The following ARID1A variants were observed in gnomAD, a reference collection of about 807,000 sequenced individuals.
ARID1A encodes the protein AT-rich interactive domain-containing protein 1A.
ARID1A carries 20 observed loss-of-function variants against 212.6 expected under a neutral mutation model. The observed-to-expected ratio is 0.09, with a 90% confidence interval of 0.07 to 0.14. ARID1A has a LOEUF of 0.14. ARID1A is among the 10% of genes least tolerant of loss of function. The pLI is 1.00. For synonymous variants in ARID1A, 1,376 were observed against 1,222.1 expected (o/e 1.13, Z -2.63); for missense variants, 2,587 against 3,059.0 (o/e 0.85, Z 3.64).
At position 26,780,758 on chromosome 1, in the gene ARID1A, A is replaced by G. The variant is rs768407935; in HGVS notation, c.*2A>G. 3.9e-6 allele frequency: 6 copies of G among 1,553,806 alleles called. No homozygotes were observed. The highest frequency in any genetic ancestry group is 5.2e-6 in the Non-Finnish European group (6 of 1,149,714). ...CTGTTTTTGATTGGCCAGTCATGAC[A>G]GCCGTGGGACACCTCCCCCCCCCGT... is the stretch of plus-strand genomic sequence containing the variant. On this transcript the variant is annotated 3_prime_UTR_variant, in exon 20 of 20. Transcript: ENST00000324856. This position sits in a 1 kb window ranked among gnomAD's most constrained non-coding sequence, Gnocchi z 7.2.
rs1557570075 is a variant in ARID1A, at chr1:26,696,913, CCAA to C, written c.516_518del (p.Gln172del). On this transcript the variant is annotated inframe_deletion, in exon 1 of 20. Transcript: ENST00000324856. ...CCGCCGCCGCGGCCGCCGTCTTCCA[CCAA>C]CAACATGGCGGACAACAAAGCCCTG... 2 of 1,406,196 alleles carry C rather than the reference CCAA, an allele frequency of 1.4e-6. No homozygotes were observed. The highest frequency in any genetic ancestry group is 1.7e-5 in the South Asian group (1 of 59,422). 87.1% of individuals were successfully genotyped at this position (1,406,196 alleles called of 1,614,324 possible).
At chr1:26,726,761 C>G (rs1557589519) in intron 1 of ARID1A, among the ~76,000 whole-genome samples, 1 of 152,234 alleles carries the variant, frequency 6.6e-6, no homozygotes, top group Non-Finnish European at 1.5e-5. Context: ...AACACCTGAT[C>G]TCTGGCTTCC....
intron 4 of ARID1A, chr1:26,752,882 G>A (rs1202087816): frequency 1.3e-5 from 2 of 152,144 alleles, no homozygotes; most frequent in Non-Finnish European, 2.9e-5. Flanking sequence ...ATGACGGGTG[G>A]TTTACCTGCC....
In ARID1A at chr1:26,696,242, C is replaced by T. The variant is rs1455786969; in HGVS notation, c.-162C>T. The T allele has an allele frequency of 4.6e-6, 4 of 864,804 alleles. No homozygotes were observed. The highest frequency in any genetic ancestry group is 2.0e-5 in the African/African-American group (1 of 49,692). 53.6% of individuals were successfully genotyped at this position (864,804 alleles called of 1,614,324 possible). On this transcript the variant is annotated 5_prime_UTR_variant, in exon 1 of 20. Coordinates refer to ENST00000324856, the MANE Select transcript of ARID1A (RefSeq NM_006015.6). Reference sequence around the variant, plus strand: ...CAGCCCGGAGCCTGAGCCGGCGGGGCGGGGGGGAGAGGAGCGAGCGCAGCG... The same window carrying T: ...CAGCCCGGAGCCTGAGCCGGCGGGGTGGGGGGGAGAGGAGCGAGCGCAGCG...
rs1324565544 is a variant in ARID1A, at chr1:26,780,613, C to T, written c.6715C>T (p.Leu2239Phe). The T allele has an allele frequency of 1.2e-6, 2 of 1,613,704 alleles. No individual in the cohort carries two copies. The highest frequency in any genetic ancestry group is 2.2e-5 in the East Asian group (1 of 44,872). ...GATGCGGCGGGCTGCCCGCGCGCTGCTTGCCTTGGCCAAGGTGGACGAGAA... is the reference window on the plus strand; with the variant it reads ...GATGCGGCGGGCTGCCCGCGCGCTGTTTGCCTTGGCCAAGGTGGACGAGAA... ...DMMRRAARAL[L>F]ALAKVDENHS... is the part of the protein sequence containing the mutation. The change falls in exon 20 of 20, where the codon CTT becomes TTT. Residue 2239 changes from leucine to phenylalanine, a missense_variant. Physicochemically the swap from Leu to Phe is conservative, Grantham distance 22. Coordinates refer to ENST00000324856, the MANE Select transcript of ARID1A (RefSeq NM_006015.6). This position sits in a 1 kb window ranked among gnomAD's most constrained non-coding sequence, Gnocchi z 7.2.
At chr1:26,739,216 C>G (rs1274424613) in intron 4 of ARID1A, among the ~76,000 whole-genome samples, 4 of 152,184 alleles carry the variant, frequency 2.6e-5, no homozygotes, top group African/African-American at 9.7e-5. Flanking sequence ...TACTGAGACA[C>G]ATTTGTAAAT....
At chr1:26,761,703 T>C (rs527730253) in intron 6 of ARID1A, among the ~76,000 whole-genome samples, 2 of 152,352 alleles carry the variant, frequency 1.3e-5, no homozygotes, top group South Asian at 2.1e-4. Context: ...TTAGCAGATA[T>C]ATAATCTCAA....
At chr1:26,744,427 T>A (rs2080817342) in intron 4 of ARID1A, among the ~76,000 whole-genome samples, 1 of 152,198 alleles carries the variant, frequency 6.6e-6, no homozygotes, top group Non-Finnish European at 1.5e-5. Context: ...TTAACTCTAG[T>A]ATGATGGCTC....
rs1358776355 is a variant in ARID1A, at chr1:26,696,701, C to T, written c.298C>T (p.Leu100=). 1 of 1,363,800 alleles carries T rather than the reference C, an allele frequency of 7.3e-7. No individual in the cohort carries two copies. The highest frequency in any genetic ancestry group is 9.4e-7 in the Non-Finnish European group (1 of 1,058,494). 84.5% of individuals were successfully genotyped at this position (1,363,800 alleles called of 1,614,324 possible). The part of the protein sequence containing the change: ...SGGGPGAEPD[L]KNSNGNAGPR... ...CGGCGGGCCCGGCGCGGAGCCGGAC[C>T]TGAAGAACTCGAACGGGAACGCGGG... The change falls in exon 1 of 20, where the codon CTG becomes TTG. Residue 100 remains leucine (L), a synonymous_variant. Coordinates refer to ENST00000324856, the MANE Select transcript of ARID1A (RefSeq NM_006015.6).
chr1:26,699,195 T>TA (rs1192171314), intron 1 of ARID1A, among the ~76,000 whole-genome samples: 2 of 152,220 alleles, frequency 1.3e-5, no homozygotes, highest in Non-Finnish European at 2.9e-5. Flanking sequence ...TCTTCCAAGA[T>TA]ATGAAGATAC....
intron 4 of ARID1A, among the ~76,000 whole-genome samples, chr1:26,742,542 A>G (rs1028421357): frequency 3.3e-5 from 5 of 152,194 alleles, no homozygotes; most frequent in South Asian, 2.1e-4. Flanking sequence ...GAAGCTTGCT[A>G]GAAATGTAGA....
At chr1:26,744,817 G>A (rs1306362346) in intron 4 of ARID1A, among the ~76,000 whole-genome samples, 4 of 152,080 alleles carry the variant, frequency 2.6e-5, no homozygotes, top group Non-Finnish European at 2.9e-5. Context: ...CATCCTGTGT[G>A]AGCAATTCAA....
rs2124116653 is a variant in ARID1A at position 26,774,288 on chromosome 1, G to A, written c.4102-41G>A. 2.6e-6 allele frequency: 4 copies of A among 1,515,774 alleles called. No individual in the cohort carries two copies. The highest frequency in any genetic ancestry group is 2.8e-5 in the African/African-American group (2 of 71,828). The allele number at this position is 1,515,774 out of a possible 1,614,324, so 93.9% of individuals were successfully genotyped here. A position where few individuals can be genotyped will look rare whatever the true frequency, so the allele number is the denominator to read the frequency against. ...GCATCTGTGGGCTTTATGTCCCTGA[G>A]TGCAGAGTATTAACTTCCCCTCTGC... is the stretch of plus-strand genomic sequence containing the variant. On this transcript the variant is annotated intron_variant, in intron 17 of 19. Transcript: ENST00000324856. This position sits in a 1 kb window ranked among gnomAD's most constrained non-coding sequence, Gnocchi z 5.6.
chr1:26,723,170 TATGTACC>T (rs2124777370), intron 1 of ARID1A, among the ~76,000 whole-genome samples: 1 of 152,328 alleles, frequency 6.6e-6, no homozygotes, highest in East Asian at 1.9e-4. Flanking sequence ...CTGGTCATTT[TATGTACC>T]AGGGTACATA....
chr1:26,768,049 T>A (rs2124088366), intron 11 of ARID1A, 50 bp downstream of exon 11: 2 of 1,570,774 alleles, frequency 1.3e-6, no homozygotes, highest in Non-Finnish European at 1.7e-6. Flanking sequence ...CACAAACCCC[T>A]TTCTAGGTAC....
At chr1:26,724,624 A>G (rs182883568) in intron 1 of ARID1A, among the ~76,000 whole-genome samples, 53 of 152,324 alleles carry the variant, frequency 3.5e-4, no homozygotes, top group African/African-American at 1.2e-3. Context: ...GTTATAAGAC[A>G]TTCAGCCCAG....
In ARID1A at chr1:26,780,743, T is replaced by C. The variant is rs2124153645; in HGVS notation, c.6845T>C (p.Ile2282Thr). 2 of 1,569,528 alleles carry C rather than the reference T, an allele frequency of 1.3e-6. No homozygotes were observed. Among genetic ancestry groups the C allele is most frequent in the Non-Finnish European group, 1.7e-6 (2 of 1,158,106 alleles). Residue 2282 changes from isoleucine (I) to threonine (T), a missense_variant, in exon 20 of 20, where the codon ATT becomes ACT. Around this residue, in one of 11 missense-constraint regions of ARID1A, gnomAD observed 27 missense variants for 28.4 expected, o/e 0.95. Transcript: ENST00000324856. The surrounding 1 kb of genome is among the most constrained non-coding windows in gnomAD (Gnocchi z 7.2). ...SQVICDVLFL[I>T]GQS ...GTCATTTGTGATGTACTGTTTTTGA[T>C]TGGCCAGTCATGACAGCCGTGGGAC...
At chr1:26,722,139 A>G (rs568068204) in intron 1 of ARID1A, among the ~76,000 whole-genome samples, 2 of 152,320 alleles carry the variant, frequency 1.3e-5, no homozygotes, top group Admixed American at 1.3e-4. Flanking sequence ...TTCAGGGGAT[A>G]TCATTGGAAT....
intron 8 of ARID1A, among the ~76,000 whole-genome samples, chr1:26,763,929 C>T (rs1303544458): frequency 1.3e-5 from 2 of 152,110 alleles, no homozygotes; most frequent in African/African-American, 2.4e-5. Flanking sequence ...GTTGGGACTA[C>T]AGGCACACAC....
Sources: gnomAD v4.1 joint callset for allele counts (sites outside exome capture counted in the v4.1 genomes callset) on GRCh38, gnomAD v4.1.1 for gene constraint, gnomAD v4.1.1 regional missense constraint, Gnocchi (gnomAD v3.1) non-coding constraint, MANE v1.5 for transcripts, NCBI Gene and HGNC (gene_info 2026-07-23, HGNC 2026-07-21) for gene names.